The following NME7 variants were observed in gnomAD, a reference collection of about 807,000 sequenced individuals.
NME7 encodes NME/NM23 family member 7.
In NME7, 41 loss-of-function variants were observed where a neutral mutation model predicts 49.1. The observed-to-expected ratio is 0.83, with a 90% CI of 0.65 to 1.08. The LOEUF is 1.08. Ranked by LOEUF, NME7 falls within the 50% of genes least tolerant of loss-of-function variation. The pLI is 0.00. For missense variants in NME7, 423 were observed against 463.4 expected (o/e 0.91, Z 0.80); for synonymous variants, 139 against 150.6 (o/e 0.92, Z 0.56).
chr1:169,321,351 C>T (rs181952478), intron 3 of NME7, among the ~76,000 whole-genome samples: 2 of 152,194 alleles, frequency 1.3e-5, no homozygotes, highest in East Asian at 3.9e-4. Context: ...CAGAGCCAGA[C>T]CCCACCTCAA....
intron 10 of NME7, among the ~76,000 whole-genome samples, chr1:169,191,063 C>G (rs969229435): frequency 1.6e-5 from 1 of 61,904 alleles, no homozygotes; most frequent in Non-Finnish European, 4.0e-5. Flanking sequence ...CCACCCGCCT[C>G]GGCCTCCCAA....
At chr1:169,275,010 A>T (rs1330257092) in intron 7 of NME7, among the ~76,000 whole-genome samples, 1 of 132,680 alleles carries the variant, frequency 7.5e-6, no homozygotes, top group Non-Finnish European at 1.8e-5. Context: ...GAAGAAAGGC[A>T]TTGGTAGCTT....
intron 1 of NME7, among the ~76,000 whole-genome samples, chr1:169,334,066 CT>C (rs1222785913): frequency 2.6e-5 from 4 of 152,154 alleles, no homozygotes; most frequent in Non-Finnish European, 4.4e-5. Flanking sequence ...TTAAATCATA[CT>C]AAATGGATTC....
At chr1:169,352,811 AG>A (rs1483932342) in intron 1 of NME7, among the ~76,000 whole-genome samples, 6 of 152,112 alleles carry the variant, frequency 3.9e-5, no homozygotes, top group African/African-American at 1.4e-4. Context: ...TATTTACAAT[AG>A]TCATGAACAA....
intron 11 of NME7, among the ~76,000 whole-genome samples, chr1:169,159,086 C>T (rs11801853): frequency 0.12 from 17,645 of 152,148 alleles, 2,156 homozygotes; most frequent in East Asian, 0.71. Context: ...CCAGCAACAA[C>T]AAAAATCATA....
At chr1:169,335,789 GAT>G (rs1178340729) in intron 1 of NME7, among the ~76,000 whole-genome samples, 2 of 145,790 alleles carry the variant, frequency 1.4e-5, no homozygotes, top group Non-Finnish European at 3.0e-5. Context: ...TTTCAGAAGA[GAT>G]ATATATATAT....
At chr1:169,175,028 G>T (rs116720900) in intron 10 of NME7, among the ~76,000 whole-genome samples, 2,224 of 151,690 alleles carry the variant, frequency 0.015, 62 homozygotes, top group African/African-American at 0.049. Context: ...TGACTCTTTT[G>T]TAATAACACA....
intron 7 of NME7, among the ~76,000 whole-genome samples, chr1:169,271,180 C>T (rs1198978651): frequency 7.5e-6 from 1 of 133,000 alleles, no homozygotes; most frequent in African/African-American, 2.5e-5. Context: ...GAAGTGAAAC[C>T]ACTGCATCCA....
At position 169,256,567 on chromosome 1, in the gene NME7, C is replaced by G. The variant is rs1558010404; in HGVS notation, c.755-18880G>C. On this transcript the variant is annotated intron_variant, in intron 7 of 11. Transcript: ENST00000367811. ...CTGAAGCCTTCTTCTCTCAGCTCGTCAAAGTCATTCTCCATCCAGCTTTGT... is the reference window on the plus strand; with the variant it reads ...CTGAAGCCTTCTTCTCTCAGCTCGTGAAAGTCATTCTCCATCCAGCTTTGT... Among the ~76,000 whole-genome samples, 2 of 132,570 alleles carry G rather than the reference C, an allele frequency of 1.5e-5. 1 individual carries two copies. 87.0% of individuals were successfully genotyped at this position (132,570 alleles called of 152,430 possible).
chr1:169,210,066 G>A (rs899626191), intron 10 of NME7, among the ~76,000 whole-genome samples: 2 of 152,080 alleles, frequency 1.3e-5, no homozygotes, highest in Non-Finnish European at 2.9e-5. Flanking sequence ...TGTGGACAGA[G>A]CCAATGTCTA....
At chr1:169,253,690 G>A (rs552998336) in intron 7 of NME7, among the ~76,000 whole-genome samples, 7 of 152,260 alleles carry the variant, frequency 4.6e-5, no homozygotes, top group African/African-American at 1.7e-4. Flanking sequence ...TATGATACTG[G>A]CTGTGGGTTT....
intron 10 of NME7, among the ~76,000 whole-genome samples, chr1:169,229,741 A>C (rs1224874524): frequency 6.6e-6 from 1 of 152,108 alleles, no homozygotes; most frequent in Non-Finnish European, 1.5e-5. Flanking sequence ...CAGGCTGATC[A>C]CCTGAGGTCA....
At chr1:169,311,193 C>A (rs879840954) in intron 3 of NME7, among the ~76,000 whole-genome samples, 1 of 151,830 alleles carries the variant, frequency 6.6e-6, no homozygotes. Flanking sequence ...CCGAGGCAGG[C>A]GGATCAAGAG....
At chr1:169,335,922 T>G (rs1331823776) in intron 1 of NME7, among the ~76,000 whole-genome samples, 1 of 151,810 alleles carries the variant, frequency 6.6e-6, no homozygotes, top group Non-Finnish European at 1.5e-5. Flanking sequence ...GCCTTGAACA[T>G]TCTGAGAACA....
intron 10 of NME7, among the ~76,000 whole-genome samples, chr1:169,223,707 A>T (rs1028088131): frequency 3.3e-5 from 5 of 152,116 alleles, no homozygotes; most frequent in African/African-American, 7.2e-5. Context: ...GAAGAATGGT[A>T]TTTAGAAGTC....
intron 10 of NME7, among the ~76,000 whole-genome samples, chr1:169,187,684 T>TG (rs767575026): frequency 4.2e-4 from 64 of 152,354 alleles, no homozygotes; most frequent in Middle Eastern, 3.4e-3. Flanking sequence ...AGCACACTGA[T>TG]GGGTCTTGAC....
chr1:169,309,473 C>T (rs1290083314), intron 4 of NME7, among the ~76,000 whole-genome samples: 3 of 152,076 alleles, frequency 2.0e-5, no homozygotes, highest in Non-Finnish European at 4.4e-5. Flanking sequence ...ATGACAATGA[C>T]CGGAAGAGGC....
intron 11 of NME7, among the ~76,000 whole-genome samples, chr1:169,161,948 T>C (rs1336027056): frequency 7.2e-6 from 1 of 138,674 alleles, no homozygotes; most frequent in African/African-American, 2.6e-5. Context: ...AACCTAAGAT[T>C]GGTCTTTTGA....
At chr1:169,232,053 A>G (rs1392042307) in intron 9 of NME7, among the ~76,000 whole-genome samples, 2 of 152,236 alleles carry the variant, frequency 1.3e-5, no homozygotes, top group African/African-American at 4.8e-5. Context: ...AAGGATATCC[A>G]AACAGCTATT....
Sources: allele counts gnomAD v4.1 joint callset (sites outside exome capture counted in the v4.1 genomes callset), GRCh38; gene constraint gnomAD v4.1.1; transcripts MANE v1.5; gene names NCBI Gene and HGNC (gene_info 2026-07-23, HGNC 2026-07-21).